FAM171A1: variants seen among roughly 807,000 people sequenced by gnomAD.
FAM171A1 encodes the protein protein FAM171A1.
A neutral mutation model predicts 74.9 loss-of-function variants in FAM171A1; 23 were observed. The ratio of observed to expected loss-of-function variants is 0.31; its 90% CI spans 0.22 to 0.44. FAM171A1 has a LOEUF of 0.44. FAM171A1 is among the 20% of genes least tolerant of loss of function. FAM171A1 has a pLI of 1.00. For missense variants in FAM171A1, 1,162 were observed against 1,159.2 expected (o/e 1.00, Z -0.03); for synonymous variants, 527 against 505.7 (o/e 1.04, Z -0.57).
rs115892575 is a variant in FAM171A1 at position 15,300,663 on chromosome 10, G to A, written c.98-16558C>T. Among the ~76,000 whole-genome samples, 491 of 145,384 alleles carry A rather than the reference G, an allele frequency of 3.4e-3. 7 individuals are homozygous for A. Among genetic ancestry groups the A allele is most frequent in the African/African-American group, 0.011 (438 of 38,716 alleles). On this transcript the variant is annotated intron_variant, in intron 1 of 7. Coordinates refer to ENST00000378116, the MANE Select transcript of FAM171A1 (RefSeq NM_001010924.2). ...AAGATAGTATGCTATTCAGAGTGCCGGGCTTTGGACTGACAACCTAGAGTT... is the reference window on the plus strand; with the variant it reads ...AAGATAGTATGCTATTCAGAGTGCCAGGCTTTGGACTGACAACCTAGAGTT...
chr10:15,353,462 T>C (rs1835900851), intron 1 of FAM171A1, among the ~76,000 whole-genome samples: 1 of 152,202 alleles, frequency 6.6e-6, no homozygotes, highest in Non-Finnish European at 1.5e-5. Flanking sequence ...AGAATATGAC[T>C]TCCTGTCACA....
intron 4 of FAM171A1, among the ~76,000 whole-genome samples, chr10:15,253,257 GC>G (rs1162398321): frequency 2.0e-5 from 3 of 152,070 alleles, no homozygotes; most frequent in Admixed American, 6.6e-5. Flanking sequence ...ACCCACCTCG[GC>G]CTCCCAAAGT....
In FAM171A1 at chr10:15,371,047, G is replaced by A. The variant is rs1476903952; in HGVS notation, c.6C>T (p.Ser2=). 2 of 1,112,206 alleles carry A rather than the reference G, an allele frequency of 1.8e-6. No homozygotes were observed. The allele number at this position is 1,112,206 out of a possible 1,614,324, so 68.9% of individuals were successfully genotyped here. The part of the protein sequence containing the change: M[S]RSATLLLCLL... The stretch of plus-strand genomic sequence containing the variant: ...GGCACAGCAGCAGCGTCGCGGACCT[G>A]CTCATCTCCGCCGCGGGGCCGGCGG... The change falls in exon 1 of 8, where the codon AGC becomes AGT. Residue 2 remains serine (S), a synonymous_variant. Transcript: ENST00000378116.
intron 1 of FAM171A1, among the ~76,000 whole-genome samples, chr10:15,359,730 A>G (rs1835972388): frequency 6.6e-6 from 1 of 152,192 alleles, no homozygotes; most frequent in South Asian, 2.1e-4. Context: ...GACGTCGCAG[A>G]AGGGTAAGTC....
At chr10:15,276,719 C>T (rs1203636530) in intron 2 of FAM171A1, among the ~76,000 whole-genome samples, 1 of 152,164 alleles carries the variant, frequency 6.6e-6, no homozygotes, top group Admixed American at 6.5e-5. Flanking sequence ...CGGTCTCACT[C>T]TGTCACTCAG....
chr10:15,270,597 C>A (rs575265624), intron 3 of FAM171A1, among the ~76,000 whole-genome samples: 1 of 152,226 alleles, frequency 6.6e-6, no homozygotes, highest in Admixed American at 6.5e-5. Flanking sequence ...GTCCCTGACC[C>A]CCGAGTAGCC....
chr10:15,267,401 G>A (rs771385236), intron 3 of FAM171A1, among the ~76,000 whole-genome samples: 7 of 151,922 alleles, frequency 4.6e-5, no homozygotes, highest in Non-Finnish European at 7.4e-5. Flanking sequence ...TCAGTAGATT[G>A]AGGCCATCCT....
chr10:15,348,216 T>G (rs1050009618), intron 1 of FAM171A1, among the ~76,000 whole-genome samples: 1 of 152,128 alleles, frequency 6.6e-6, no homozygotes, highest in Non-Finnish European at 1.5e-5. Flanking sequence ...TGACCTGAGG[T>G]GTTCCGCCTG....
At chr10:15,221,469 C>A (rs1307135592) in intron 5 of FAM171A1, among the ~76,000 whole-genome samples, 1 of 152,154 alleles carries the variant, frequency 6.6e-6, no homozygotes, top group Non-Finnish European at 1.5e-5. Flanking sequence ...AATTTTCTAT[C>A]CAGAGCTGCA....
At chr10:15,343,272 G>A (rs772842115) in intron 1 of FAM171A1, among the ~76,000 whole-genome samples, 1 of 152,220 alleles carries the variant, frequency 6.6e-6, no homozygotes, top group Non-Finnish European at 1.5e-5. Context: ...AGGGGGCTGA[G>A]GTGGGAGGAT....
At chr10:15,289,449 A>G (rs1374693302) in intron 1 of FAM171A1, among the ~76,000 whole-genome samples, 1 of 152,194 alleles carries the variant, frequency 6.6e-6, no homozygotes, top group African/African-American at 2.4e-5. Flanking sequence ...ATCCATCACC[A>G]AAGTCTGCTC....
chr10:15,215,966 A>G, intron 7 of FAM171A1, 30 bp downstream of exon 7: 1 of 1,463,246 alleles, frequency 6.8e-7, no homozygotes, highest in Middle Eastern at 1.8e-4. Flanking sequence ...GTGAATTAAA[A>G]AAGATATTGC....
chr10:15,223,280 T>A (rs991640070), intron 5 of FAM171A1, among the ~76,000 whole-genome samples: 1 of 152,382 alleles, frequency 6.6e-6, no homozygotes, highest in African/African-American at 2.4e-5. Flanking sequence ...GCTCCAGGCT[T>A]GGCACCCGTT....
intron 1 of FAM171A1, among the ~76,000 whole-genome samples, chr10:15,292,577 C>T (rs1415636245): frequency 2.0e-5 from 3 of 152,176 alleles, no homozygotes; most frequent in African/African-American, 7.2e-5. Flanking sequence ...CCAACCCGGG[C>T]TCAAGTGATC....
intron 1 of FAM171A1, among the ~76,000 whole-genome samples, chr10:15,344,621 C>A (rs1835799459): frequency 6.6e-6 from 1 of 152,112 alleles, no homozygotes; most frequent in Non-Finnish European, 1.5e-5. Flanking sequence ...ATGTCTCATG[C>A]AAAATTTGGA....
intron 3 of FAM171A1, among the ~76,000 whole-genome samples, chr10:15,272,639 G>T (rs1470172131): frequency 2.0e-5 from 3 of 152,030 alleles, no homozygotes; most frequent in Non-Finnish European, 4.4e-5. Context: ...CACATAGTTG[G>T]GAGTAAAACA....
At chr10:15,366,499 C>T (rs958304203) in intron 1 of FAM171A1, among the ~76,000 whole-genome samples, 4 of 152,054 alleles carry the variant, frequency 2.6e-5, no homozygotes, top group South Asian at 2.1e-4. Flanking sequence ...CTAAAACTGC[C>T]GTCTTTATGA....
intron 1 of FAM171A1, among the ~76,000 whole-genome samples, chr10:15,330,901 T>G (rs1028069628): frequency 1.3e-5 from 2 of 151,402 alleles, no homozygotes; most frequent in Non-Finnish European, 2.9e-5. Flanking sequence ...ATTTTATTTT[T>G]TTTTTGAGAT....
chr10:15,331,860 T>TATATATATATAC (rs1835639758), intron 1 of FAM171A1, among the ~76,000 whole-genome samples: 1 of 20,508 alleles, frequency 4.9e-5, no homozygotes, highest in Non-Finnish European at 1.0e-4. Flanking sequence ...TATATGTGTG[T>TATATATATATAC]ATATATATGT....
Sources: allele counts gnomAD v4.1 joint callset (sites outside exome capture counted in the v4.1 genomes callset), GRCh38; gene constraint gnomAD v4.1.1; transcripts MANE v1.5; gene names NCBI Gene and HGNC (gene_info 2026-07-23, HGNC 2026-07-21).